The following ITSN1 variants were observed in gnomAD, a reference collection of about 807,000 sequenced individuals.
ITSN1 encodes the protein intersectin-1.
Under a neutral mutation model 239.8 loss-of-function variants are expected in ITSN1, and 58 were observed. The observed-to-expected ratio is 0.24, with a 90% CI of 0.20 to 0.30. The LOEUF (loss-of-function observed/expected upper bound fraction) is 0.30, where lower values mean the gene tolerates loss of function less well. Among genes scored for constraint, ITSN1 ranks in the 10% least tolerant of loss-of-function variants. The pLI, the probability that ITSN1 is intolerant of heterozygous loss-of-function variation, is 1.00. For synonymous variants in ITSN1, 780 were observed against 770.8 expected, an observed-to-expected ratio of 1.01 and a Z score of -0.20; for missense variants, 1,558 against 2,103.3, an observed-to-expected ratio of 0.74 and a Z score of 5.07.
chr21:33,831,276 C>T (rs2074277214), intron 27 of ITSN1, among the ~76,000 whole-genome samples: 1 of 152,182 alleles, frequency 6.6e-6, no homozygotes, highest in South Asian at 2.1e-4. Flanking sequence ...CTGAATTTTC[C>T]AGCAGCCGTC....
chr21:33,681,196 T>C (rs185543188), intron 1 of ITSN1, among the ~76,000 whole-genome samples: 1 of 152,266 alleles, frequency 6.6e-6, no homozygotes, highest in East Asian at 1.9e-4. Context: ...AACAGTACTA[T>C]GTGTTTGTAT....
At chr21:33,644,827 CT>C (rs11380708) in intron 1 of ITSN1, among the ~76,000 whole-genome samples, 3 of 147,654 alleles carry the variant, frequency 2.0e-5, no homozygotes, top group Non-Finnish European at 3.0e-5. Flanking sequence ...AATTCCTTTC[CT>C]TTTTTTTTTT....
Position 33,829,705 on chromosome 21 carries a change from G to A in ITSN1, c.3311G>A (p.Arg1104Gln), listed in dbSNP as rs535264292. ...GCCCCTGGTCAGCTGATTTTGATCC[G>A]AAAAAAGAACCCAGGTGGATGGTGG... is the stretch of plus-strand genomic sequence containing the variant. ...TLAPGQLILI[R>Q]KKNPGGWWEG... The change falls in exon 27 of 40, where the codon CGA becomes CAA. Residue 1104 changes from arginine (R) to glutamine (Q), a missense_variant. This residue lies in a region of ITSN1 where 576 missense variants were observed against 893.3 expected (regional missense o/e 0.64). Transcript: ENST00000381318. 51 of 1,613,212 alleles carry A rather than the reference G, an allele frequency of 3.2e-5. No homozygotes were observed. The highest frequency in any genetic ancestry group is 6.7e-5 in the Admixed American group (4 of 60,000).
Position 33,842,263 on chromosome 21 carries a change from C to G in ITSN1, c.3661+5631C>G, listed in dbSNP as rs145962592. 2.1e-3 allele frequency among the ~76,000 whole-genome samples: 322 copies of G among 152,276 alleles called. 2 individuals carry two copies. Among genetic ancestry groups the G allele is most frequent in the Non-Finnish European group, 2.2e-3 (148 of 68,020 alleles). ...AGGCTTCCAGAGTGTCTCCTGACGT[C>G]TAGTTAGCTATTCCATTTCAGAGGG... is the stretch of plus-strand genomic sequence containing the variant. On this transcript the variant is annotated intron_variant, in intron 29 of 39. Coordinates refer to ENST00000381318, the MANE Select transcript of ITSN1 (RefSeq NM_003024.3).
At chr21:33,736,557 G>A (rs143968749) in intron 5 of ITSN1, among the ~76,000 whole-genome samples, 1 of 152,348 alleles carries the variant, frequency 6.6e-6, no homozygotes, top group East Asian at 1.9e-4. Flanking sequence ...GACTGGGGCC[G>A]TTGTTTGTCT....
chr21:33,885,584 A>C, intron 38 of ITSN1, 62 bp downstream of exon 38: 1 of 1,256,192 alleles, frequency 8.0e-7, no homozygotes, highest in Non-Finnish European at 1.2e-6. Flanking sequence ...CGGGTTCCCC[A>C]CACCCCCACC....
intron 9 of ITSN1, 67 bp downstream of exon 9, chr21:33,762,053 G>C: frequency 1.7e-6 from 2 of 1,152,228 alleles, no homozygotes; most frequent in Non-Finnish European, 2.6e-6. Flanking sequence ...TGGCCTCATG[G>C]GTTTTAGATT....
chr21:33,660,526 T>C (rs2146255994), intron 1 of ITSN1, among the ~76,000 whole-genome samples: 1 of 152,334 alleles, frequency 6.6e-6, no homozygotes, highest in South Asian at 2.1e-4. Context: ...TTGTTTTACA[T>C]TTTTTGCAGA....
chr21:33,740,433 C>T (rs2066775036), intron 5 of ITSN1, among the ~76,000 whole-genome samples: 2 of 152,262 alleles, frequency 1.3e-5, no homozygotes, highest in African/African-American at 4.8e-5. Flanking sequence ...AGATTGGTGT[C>T]CTGCTACCAA....
At chr21:33,806,463 C>T (rs1340944137) in intron 20 of ITSN1, among the ~76,000 whole-genome samples, 3 of 152,188 alleles carry the variant, frequency 2.0e-5, no homozygotes, top group African/African-American at 4.8e-5. Context: ...ATTAATCTTA[C>T]CTAATGAAGA....
At chr21:33,703,111 G>A (rs1208659230) in intron 1 of ITSN1, among the ~76,000 whole-genome samples, 1 of 149,634 alleles carries the variant, frequency 6.7e-6, no homozygotes, top group Non-Finnish European at 1.5e-5. Flanking sequence ...GTGTGTGTGT[G>A]TGTATACACA....
chr21:33,692,916 C>T (rs2091614819), intron 1 of ITSN1, among the ~76,000 whole-genome samples: 2 of 151,950 alleles, frequency 1.3e-5, no homozygotes, highest in African/African-American at 4.8e-5. Context: ...ATTACAGGGG[C>T]ATGCCAACAT....
At chr21:33,767,910 T>G (rs1339451907) in intron 11 of ITSN1, 82 bp downstream of exon 11, 1 of 740,338 alleles carries the variant, frequency 1.4e-6, no homozygotes, top group Non-Finnish European at 2.2e-6. Context: ...AAGATAGAGG[T>G]AAACATAAAT....
At chr21:33,784,612 T>C (rs1050340379) in intron 16 of ITSN1, among the ~76,000 whole-genome samples, 2 of 152,262 alleles carry the variant, frequency 1.3e-5, no homozygotes, top group African/African-American at 2.4e-5. Context: ...GTTATGGTTA[T>C]TATCTCTAGT....
intron 1 of ITSN1, among the ~76,000 whole-genome samples, chr21:33,714,335 A>G (rs2092506814): frequency 6.6e-6 from 1 of 152,320 alleles, no homozygotes; most frequent in African/African-American, 2.4e-5. Flanking sequence ...GTCACTTAAG[A>G]GATACAGATG....
intron 1 of ITSN1, among the ~76,000 whole-genome samples, chr21:33,694,961 A>G (rs527787417): frequency 6.6e-6 from 1 of 152,160 alleles, no homozygotes; most frequent in African/African-American, 2.4e-5. Flanking sequence ...GCGTGCCATC[A>G]TGCCCAGCTG....
intron 9 of ITSN1, among the ~76,000 whole-genome samples, chr21:33,764,603 G>A (rs1305807023): frequency 6.6e-6 from 1 of 152,166 alleles, no homozygotes; most frequent in Non-Finnish European, 1.5e-5. Context: ...GTTCATGTTT[G>A]TCAAAACTCT....
chr21:33,828,149 G>A (rs77272413), intron 26 of ITSN1, among the ~76,000 whole-genome samples: 33 of 152,354 alleles, frequency 2.2e-4, no homozygotes, highest in African/African-American at 7.7e-4. Flanking sequence ...AGCAAGAAAG[G>A]ACACAAAAGA....
Position 33,882,573 on chromosome 21 carries a change from A to G in ITSN1, c.4554+118A>G. The G allele has an allele frequency of 1.2e-6, 1 of 814,978 alleles. No individual in the cohort carries two copies. The allele number at this position is 814,978 out of a possible 1,614,324, so 50.5% of individuals were successfully genotyped here. On this transcript the variant is annotated intron_variant, in intron 35 of 39. Transcript: ENST00000381318. The surrounding 1 kb of genome is among the most constrained non-coding windows in gnomAD (Gnocchi z 4.5). ...GGGCTGTGGCATGCAGGAGAAGGCC[A>G]GGAGTTGAAATGCGATTTAGGGTGT...
Sources: gnomAD v4.1 joint callset for allele counts (sites outside exome capture counted in the v4.1 genomes callset) on GRCh38, gnomAD v4.1.1 for gene constraint, gnomAD v4.1.1 regional missense constraint, Gnocchi (gnomAD v3.1) non-coding constraint, MANE v1.5 for transcripts, NCBI Gene and HGNC (gene_info 2026-07-23, HGNC 2026-07-21) for gene names.